Variants in PCGF5 observed in about 807,000 individuals in gnomAD.
The protein encoded by PCGF5 is polycomb group ring finger 5, also known as polycomb group RING finger protein 5.
A neutral mutation model predicts 44.3 loss-of-function variants in PCGF5; 9 were observed. The observed-to-expected ratio is 0.20, with a 90% CI of 0.12 to 0.35. The LOEUF is 0.35. Among genes scored for constraint, PCGF5 ranks in the 10% least tolerant of loss-of-function variants. The pLI is 1.00. For synonymous variants in PCGF5, 95 were observed against 102.5 expected (o/e 0.93, Z 0.44); for missense variants, 146 against 305.3 (o/e 0.48, Z 3.89).
intron 1 of PCGF5, among the ~76,000 whole-genome samples, chr10:91,194,466 A>G (rs1299292937): frequency 2.0e-5 from 3 of 152,224 alleles, no homozygotes; most frequent in African/African-American, 7.2e-5. Flanking sequence ...GCAAGGAAAC[A>G]AATTCTCCCC....
intron 9 of PCGF5, among the ~76,000 whole-genome samples, chr10:91,276,301 G>GA (rs1846311890): frequency 6.6e-6 from 1 of 152,120 alleles, no homozygotes; most frequent in Non-Finnish European, 1.5e-5. Context: ...ATCAAAGGCA[G>GA]TTTTATCATT....
upstream of PCGF5, among the ~76,000 whole-genome samples, chr10:91,160,042 G>A (rs1320834405): frequency 6.6e-6 from 1 of 152,178 alleles, no homozygotes; most frequent in Non-Finnish European, 1.5e-5. Context: ...TCAGAGAACT[G>A]AGAGCTGAAG....
chr10:91,171,868 G>A (rs139033222), intron 1 of PCGF5, among the ~76,000 whole-genome samples: 110 of 152,244 alleles, frequency 7.2e-4, no homozygotes, highest in African/African-American at 2.5e-3. Flanking sequence ...CGGGAACTAT[G>A]AGGCCAAAAT....
intron 1 of PCGF5, among the ~76,000 whole-genome samples, chr10:91,169,056 A>G (rs1327825046): frequency 1.3e-5 from 2 of 152,006 alleles, no homozygotes; most frequent in Non-Finnish European, 2.9e-5. Flanking sequence ...CAATTAATAC[A>G]CTAGGCTCTC....
intron 1 of PCGF5, among the ~76,000 whole-genome samples, chr10:91,188,587 G>A (rs1467139570): frequency 6.6e-6 from 1 of 152,068 alleles, no homozygotes; most frequent in South Asian, 2.1e-4. Flanking sequence ...AGTAGACTTT[G>A]ATTTTATTTC....
At chr10:91,192,574 A>T (rs904029750) in intron 1 of PCGF5, among the ~76,000 whole-genome samples, 6 of 152,242 alleles carry the variant, frequency 3.9e-5, no homozygotes, top group Non-Finnish European at 8.8e-5. Context: ...TTATTCAAGA[A>T]ATACCTATTG....
chr10:91,248,744 G>A lies in PCGF5; in HGVS notation c.325+20G>A, dbSNP rs777618431. ...GACAAGGTGACTTTTTCTTATGTCTGTTTCTGACAGCACCTCTTAAACTGG... is the reference window on the plus strand; with the variant it reads ...GACAAGGTGACTTTTTCTTATGTCTATTTCTGACAGCACCTCTTAAACTGG... On this transcript the variant is annotated intron_variant, in intron 5 of 9. Transcript: ENST00000336126. 1.9e-6 allele frequency: 3 copies of A among 1,584,352 alleles called. No individual in the cohort carries two copies. Among genetic ancestry groups the A allele is most frequent in the South Asian group, 2.2e-5 (2 of 89,522 alleles).
At chr10:91,217,162 T>A (rs1844557327), upstream of PCGF5, among the ~76,000 whole-genome samples, 1 of 152,102 alleles carries the variant, frequency 6.6e-6, no homozygotes, top group African/African-American at 2.4e-5. Context: ...GCCTCCTGAG[T>A]AGCTGGGACT....
intron 3 of PCGF5, 84 bp from the exon 4 acceptor site, chr10:91,248,421 T>G: frequency 8.2e-7 from 1 of 1,217,282 alleles, no homozygotes; most frequent in Non-Finnish European, 1.2e-6. Flanking sequence ...TTGTAACATG[T>G]ATAAGATTAT....
At chr10:91,213,969 A>G (rs895884784) in intron 1 of PCGF5, among the ~76,000 whole-genome samples, 2 of 152,116 alleles carry the variant, frequency 1.3e-5, no homozygotes, top group Admixed American at 6.5e-5. Context: ...AGGTATAATC[A>G]GTTTGGGCTC....
upstream of PCGF5, among the ~76,000 whole-genome samples, chr10:91,217,295 G>A (rs1009249774): frequency 6.6e-6 from 1 of 152,200 alleles, no homozygotes; most frequent in Non-Finnish European, 1.5e-5. Flanking sequence ...GCCTCCCGAA[G>A]TGCTGGGATT....
intron 7 of PCGF5, 147 bp downstream of exon 7, chr10:91,261,571 GTAT>G (rs1845910322): frequency 9.4e-7 from 1 of 1,067,130 alleles, no homozygotes; most frequent in African/African-American, 1.6e-5. Flanking sequence ...TTTTCAGAAT[GTAT>G]TATTCTACTT....
chr10:91,222,744 C>G lies in PCGF5; in HGVS notation c.-128C>G. The G allele has an allele frequency of 1.8e-6, 1 of 540,896 alleles. No individual in the cohort carries two copies. Among genetic ancestry groups the G allele is most frequent in the Non-Finnish European group, 3.3e-6 (1 of 300,246 alleles). 33.5% of individuals were successfully genotyped at this position (540,896 alleles called of 1,614,324 possible). ...GATGATCAACGATCTCATGATAAAT[C>G]TGGATGCTAGTTCTCATGCCTCAGG... On this transcript the variant is annotated 5_prime_UTR_variant, in exon 2 of 10. In the 5' UTR this introduces an upstream ATG that the reference lacks. Transcript: ENST00000336126.
intron 1 of PCGF5, among the ~76,000 whole-genome samples, chr10:91,192,296 G>T (rs888874853): frequency 6.6e-6 from 1 of 152,080 alleles, no homozygotes; most frequent in Non-Finnish European, 1.5e-5. Flanking sequence ...ACAACTCAAG[G>T]TGTTTTGCTC....
intron 2 of PCGF5, among the ~76,000 whole-genome samples, chr10:91,226,242 C>A (rs181083999): frequency 7.7e-6 from 1 of 129,788 alleles, no homozygotes; most frequent in African/African-American, 2.9e-5. Flanking sequence ...ACCTGCCCTT[C>A]TGGACTCTCT....
chr10:91,207,392 T>G (rs1433812813), intron 1 of PCGF5, among the ~76,000 whole-genome samples: 2 of 152,234 alleles, frequency 1.3e-5, no homozygotes, highest in South Asian at 4.1e-4. Flanking sequence ...CTCACTTAGA[T>G]TCACTGTTTA....
chr10:91,278,394 T>C lies in PCGF5; in HGVS notation c.*78T>C. ...TCAACAGATTGCACAGTTAACGGTG[T>C]GTGGACTAGAGGAACACAACCAGAT... On this transcript the variant is annotated 3_prime_UTR_variant, in exon 10 of 10. Transcript: ENST00000336126. 7.6e-7 allele frequency: 1 copy of C among 1,307,774 alleles called. No individual in the cohort carries two copies. The highest frequency in any genetic ancestry group is 1.1e-6 in the Non-Finnish European group (1 of 903,778). 81.0% of individuals were successfully genotyped at this position (1,307,774 alleles called of 1,614,324 possible).
intron 1 of PCGF5, among the ~76,000 whole-genome samples, chr10:91,198,098 T>C (rs1844176436): frequency 6.6e-6 from 1 of 152,204 alleles, no homozygotes; most frequent in East Asian, 1.9e-4. Flanking sequence ...CAATGAGAAA[T>C]ACTGTGGAGA....
chr10:91,275,607 A>ATTTTTT (rs72439811), intron 9 of PCGF5, among the ~76,000 whole-genome samples: 3 of 128,892 alleles, frequency 2.3e-5, no homozygotes, highest in Non-Finnish European at 3.2e-5. Flanking sequence ...TGCCCGGCTA[A>ATTTTTT]TTTTTTTTTT....
Sources: gnomAD v4.1 joint callset for allele counts (sites outside exome capture counted in the v4.1 genomes callset) on GRCh38, gnomAD v4.1.1 for gene constraint, MANE v1.5 for transcripts, NCBI Gene and HGNC (gene_info 2026-07-23, HGNC 2026-07-21) for gene names.